Variants in PDGFD observed in about 807,000 individuals in gnomAD.
The protein encoded by PDGFD is platelet derived growth factor D, also known as platelet-derived growth factor D.
PDGFD carries 30 observed loss-of-function variants against 44.7 expected under a neutral mutation model. The observed-to-expected ratio is 0.67, with a 90% CI of 0.50 to 0.91. PDGFD has a LOEUF of 0.91. PDGFD is among the 40% of genes least tolerant of loss of function. PDGFD has a pLI of 0.00. For synonymous variants in PDGFD, 173 were observed against 168.4 expected (o/e 1.03, Z -0.21); for missense variants, 445 against 457.8 (o/e 0.97, Z 0.25).
At chr11:104,092,743 T>C (rs1222025577) in intron 1 of PDGFD, among the ~76,000 whole-genome samples, 1 of 152,202 alleles carries the variant, frequency 6.6e-6, no homozygotes, top group Non-Finnish European at 1.5e-5. Context: ...GATGTTGGCT[T>C]ATCTGACATA....
intron 6 of PDGFD, among the ~76,000 whole-genome samples, chr11:103,913,589 G>T (rs1418401707): frequency 6.6e-6 from 1 of 152,136 alleles, no homozygotes; most frequent in Non-Finnish European, 1.5e-5. Flanking sequence ...ACAATTAAAA[G>T]AACTAGAGAA....
intron 3 of PDGFD, among the ~76,000 whole-genome samples, chr11:103,952,599 T>G (rs1858776022): frequency 6.6e-6 from 1 of 152,060 alleles, no homozygotes; most frequent in African/African-American, 2.4e-5. Context: ...GCCAAATGAG[T>G]TGTCCAGCAT....
intron 5 of PDGFD, among the ~76,000 whole-genome samples, chr11:103,934,565 A>T (rs1858457722): frequency 6.6e-6 from 1 of 152,228 alleles, no homozygotes; most frequent in African/African-American, 2.4e-5. Context: ...ATGGCCTCAC[A>T]GTTATGCATT....
chr11:104,157,281 G>T (rs1392709739), intron 1 of PDGFD, among the ~76,000 whole-genome samples: 2 of 152,170 alleles, frequency 1.3e-5, no homozygotes, highest in African/African-American at 4.8e-5. Context: ...AAAATGAAAT[G>T]ATTCCATCTG....
chr11:104,118,831 T>C (rs1273218062), intron 1 of PDGFD, among the ~76,000 whole-genome samples: 2 of 34,356 alleles, frequency 5.8e-5, no homozygotes, highest in African/African-American at 2.1e-4. Context: ...ATTATAAATA[T>C]TAATATATAA....
rs1269560569 is a variant in PDGFD at position 103,943,643 on chromosome 11, G to T, written c.581C>A (p.Ser194Tyr). ...ATCCGTTACTGATGGAGAGTTATAG[G>T]ATACCCCCTAAGAGTGACATACAGC... is the stretch of plus-strand genomic sequence containing the variant. ...ESVTSSISGV[S>Y]YNSPSVTDPT... Residue 194 changes from serine (S) to tyrosine (Y), a missense_variant, in exon 5 of 7, where the codon TCC (serine) becomes TAC (tyrosine). Ser to Tyr is a moderately radical substitution (Grantham distance 144). Transcript: ENST00000393158. 2 of 1,611,836 alleles carry T rather than the reference G, an allele frequency of 1.2e-6. No individual in the cohort carries two copies. Among genetic ancestry groups the T allele is most frequent in the Non-Finnish European group, 1.7e-6 (2 of 1,178,946 alleles).
chr11:104,139,008 T>C (rs1247585414), intron 1 of PDGFD, among the ~76,000 whole-genome samples: 1 of 152,152 alleles, frequency 6.6e-6, no homozygotes, highest in Non-Finnish European at 1.5e-5. Context: ...GTGATCCGCC[T>C]GCCTCAGAAT....
chr11:103,984,813 T>TATTTATTTAATATATAATATCTTA (rs1565302733), intron 3 of PDGFD, among the ~76,000 whole-genome samples: 2 of 142,880 alleles, frequency 1.4e-5, no homozygotes, highest in African/African-American at 5.2e-5. Context: ...AATATATTTA[T>TATTTATTTAATATATAATATCTTA]ATTTATTTAA....
At position 103,907,942 on chromosome 11, in the gene PDGFD, T is replaced by G. The variant is rs914833345; in HGVS notation, c.*1752A>C. 3.9e-5 allele frequency: 6 copies of G among 152,200 alleles called. No homozygotes were observed. The highest frequency in any genetic ancestry group is 1.4e-4 in the African/African-American group (6 of 41,444). 9.4% of individuals were successfully genotyped at this position (152,200 alleles called of 1,614,324 possible). ...TTTTAGGAAAGTTTTAGAAGGTACA[T>G]CTTCAATAAGCAGAGATCTTTCATC... is the stretch of plus-strand genomic sequence containing the variant. On this transcript the variant is annotated 3_prime_UTR_variant, in exon 7 of 7. Transcript: ENST00000393158.
At chr11:104,112,934 G>A (rs900203304) in intron 1 of PDGFD, among the ~76,000 whole-genome samples, 3 of 152,040 alleles carry the variant, frequency 2.0e-5, no homozygotes, top group South Asian at 2.1e-4. Flanking sequence ...TGGGTACTAG[G>A]TTTAATACCT....
rs370377389 is a variant in PDGFD at position 104,023,242 on chromosome 11, G to A, written c.125-22987C>T. Among the ~76,000 whole-genome samples the A allele has an allele frequency of 3.2e-4, 49 of 152,152 alleles. No individual in the cohort carries two copies. The South Asian group carries it at 3.9e-3, about 12-fold the overall frequency. On this transcript the variant is annotated intron_variant, in intron 1 of 6. Coordinates refer to ENST00000393158, the MANE Select transcript of PDGFD (RefSeq NM_025208.5). ...TGCAAGGTAAGCAACAGAAAACGCC[G>A]TCTGAACAGTATTTTACTTACATCT...
At chr11:104,028,568 T>C (rs1860080741) in intron 1 of PDGFD, among the ~76,000 whole-genome samples, 1 of 151,392 alleles carries the variant, frequency 6.6e-6, no homozygotes, top group Non-Finnish European at 1.5e-5. Flanking sequence ...TGGGGCTTCA[T>C]TTTTTTATGT....
At chr11:104,016,076 G>A (rs1033759886) in intron 1 of PDGFD, among the ~76,000 whole-genome samples, 13 of 152,172 alleles carry the variant, frequency 8.5e-5, no homozygotes, top group African/African-American at 3.1e-4. Flanking sequence ...AGTATCACAT[G>A]CTTAATGAAT....
At chr11:104,059,760 TC>T (rs1168839320) in intron 1 of PDGFD, among the ~76,000 whole-genome samples, 1 of 152,180 alleles carries the variant, frequency 6.6e-6, no homozygotes, top group Non-Finnish European at 1.5e-5. Flanking sequence ...GCATTTCAGG[TC>T]AACTAATCCG....
Position 104,087,021 on chromosome 11 carries a change from C to CTTTTTTT in PDGFD, c.124+76776_124+76782dup, listed in dbSNP as rs528848924. Among the ~76,000 whole-genome samples the CTTTTTTT allele has an allele frequency of 2.4e-4, 25 of 103,210 alleles. 1 individual carries two copies. Among genetic ancestry groups the CTTTTTTT allele is most frequent in the South Asian group, 3.8e-4 (1 of 2,666 alleles). 67.7% of individuals were successfully genotyped at this position (103,210 alleles called of 152,430 possible). A position where few individuals can be genotyped will look rare whatever the true frequency, so the allele number is the denominator to read the frequency against. Reference sequence around the variant, plus strand: ...TCCCTCTTGTACCTAGGCTCTTAGTCTTTTTTTTTTTTTTTTTTTTTTTTT... The same window carrying CTTTTTTT: ...TCCCTCTTGTACCTAGGCTCTTAGTCTTTTTTTTTTTTTTTTTTTTTTTTTTTTTTTT... On this transcript the variant is annotated intron_variant, in intron 1 of 6. Transcript: ENST00000393158.
intron 1 of PDGFD, among the ~76,000 whole-genome samples, chr11:104,095,499 C>G (rs912354332): frequency 5.9e-5 from 9 of 152,172 alleles, no homozygotes; most frequent in African/African-American, 1.9e-4. Flanking sequence ...AAAGACCCTG[C>G]CATCCACACC....
At chr11:104,099,902 C>A (rs1157837381) in intron 1 of PDGFD, among the ~76,000 whole-genome samples, 3 of 152,064 alleles carry the variant, frequency 2.0e-5, no homozygotes, top group Non-Finnish European at 2.9e-5. Context: ...TTAAGAATAA[C>A]ACGGATTGCT....
chr11:104,074,800 T>A (rs1314156683), intron 1 of PDGFD, among the ~76,000 whole-genome samples: 1 of 152,206 alleles, frequency 6.6e-6, no homozygotes, highest in Non-Finnish European at 1.5e-5. Context: ...AAAGCAATTG[T>A]GAGCATGAGA....
chr11:104,060,015 A>G (rs929610250), intron 1 of PDGFD, among the ~76,000 whole-genome samples: 4 of 152,218 alleles, frequency 2.6e-5, no homozygotes, highest in African/African-American at 9.6e-5. Context: ...AAACATCAGA[A>G]TGAAATGGTA....
Sources: allele counts gnomAD v4.1 joint callset (sites outside exome capture counted in the v4.1 genomes callset), GRCh38; gene constraint gnomAD v4.1.1; transcripts MANE v1.5; gene names NCBI Gene and HGNC (gene_info 2026-07-23, HGNC 2026-07-21).